The following ABCA1 variants were observed in gnomAD, a reference collection of about 807,000 sequenced individuals.
The protein encoded by ABCA1 is ATP binding cassette subfamily A member 1, also known as phospholipid-transporting ATPase ABCA1.
In ABCA1, 133 loss-of-function variants were observed where a neutral mutation model predicts 262.5. The ratio of observed to expected loss-of-function variants is 0.51; its 90% CI spans 0.44 to 0.59. The LOEUF (loss-of-function observed/expected upper bound fraction) is 0.59, where lower values mean the gene tolerates loss of function less well. ABCA1 is among the 20% of genes least tolerant of loss of function. The pLI is 0.00. For synonymous variants in ABCA1, 1,022 were observed against 1,043.5 expected (o/e 0.98, Z 0.40); for missense variants, 2,452 against 2,777.5 (o/e 0.88, Z 2.63).
chr9:104,800,657 G>A (rs1033803008), intron 34 of ABCA1, 73 bp from the exon 35 acceptor site: 3 of 1,362,020 alleles, frequency 2.2e-6, no homozygotes, highest in South Asian at 2.3e-5. Context: ...TCTGGAACCT[G>A]TGGACAACAG....
At chr9:104,797,927 C>T (rs1830037610) in intron 37 of ABCA1, among the ~76,000 whole-genome samples, 1 of 152,136 alleles carries the variant, frequency 6.6e-6, no homozygotes, top group Non-Finnish European at 1.5e-5. Flanking sequence ...CTTCAGAATT[C>T]CTTCAAATCC....
In ABCA1 at chr9:104,814,998, T is replaced by C. The variant is rs545259384; in HGVS notation, c.3739-523A>G. On this transcript the variant is annotated intron_variant, in intron 25 of 49. Transcript: ENST00000374736. ...CAATAAGAGCAAAACTCCAGTCTCA[T>C]CAAAAATAAAAAAAAATTTAAAAAA... is the stretch of plus-strand genomic sequence containing the variant. Among the ~76,000 whole-genome samples the C allele has an allele frequency of 7.2e-5, 11 of 151,874 alleles. No homozygotes were observed. In the South Asian group the frequency reaches 2.3e-3, roughly 32 times the overall value.
chr9:104,854,898 C>T (rs560574514), intron 7 of ABCA1, among the ~76,000 whole-genome samples: 1 of 152,294 alleles, frequency 6.6e-6, no homozygotes, highest in South Asian at 2.1e-4. Flanking sequence ...CTAGAAAATA[C>T]CTGACACATA....
At chr9:104,884,246 T>C (rs574950769) in intron 4 of ABCA1, among the ~76,000 whole-genome samples, 181 bp downstream of exon 4, 1 of 152,314 alleles carries the variant, frequency 6.6e-6, no homozygotes, top group South Asian at 2.1e-4. Context: ...AGGTGATGGA[T>C]ACCCCAAATA....
At chr9:104,795,084 T>C (rs1829782200) in intron 39 of ABCA1, among the ~76,000 whole-genome samples, 1 of 152,210 alleles carries the variant, frequency 6.6e-6, no homozygotes, top group Non-Finnish European at 1.5e-5. Flanking sequence ...GGATGTACGT[T>C]GTACTGGAGG....
At chr9:104,860,448 C>G (rs1356317899) in intron 6 of ABCA1, among the ~76,000 whole-genome samples, 1 of 152,168 alleles carries the variant, frequency 6.6e-6, no homozygotes, top group Non-Finnish European at 1.5e-5. Context: ...GCACATTTTT[C>G]TAATTTTAAA....
chr9:104,830,856 C>A, intron 14 of ABCA1, 69 bp downstream of exon 14: 1 of 1,552,216 alleles, frequency 6.4e-7, no homozygotes, highest in Non-Finnish European at 8.9e-7. Context: ...TGCACATGCA[C>A]ACACATATAT....
At chr9:104,798,673 CACAG>C in intron 36 of ABCA1, 75 bp from the exon 37 acceptor site, 1 of 1,255,132 alleles carries the variant, frequency 8.0e-7, no homozygotes, top group Non-Finnish European at 1.1e-6. Flanking sequence ...GACATGGACA[CACAG>C]ACAAACACAC....
At chr9:104,800,662 C>T in intron 34 of ABCA1, 78 bp from the exon 35 acceptor site, 1 of 1,319,950 alleles carries the variant, frequency 7.6e-7, no homozygotes, top group African/African-American at 1.4e-5. Context: ...AACCTGTGGA[C>T]AACAGGACGG....
intron 45 of ABCA1, 66 bp downstream of exon 45, chr9:104,788,360 A>G: frequency 6.2e-7 from 1 of 1,610,456 alleles, no homozygotes; most frequent in African/African-American, 1.3e-5. Flanking sequence ...GCGTGTGGAA[A>G]AGCCATAAGG....
Position 104,825,729 on chromosome 9 carries a change from G to A in ABCA1, c.2496C>T (p.Thr832=), listed in dbSNP as rs1832758292. 1.2e-6 allele frequency: 2 copies of A among 1,614,236 alleles called. No individual in the cohort carries two copies. The highest frequency in any genetic ancestry group is 2.7e-5 in the African/African-American group (2 of 75,052). The change falls in exon 17 of 50, where the codon ACC becomes ACT. Residue 832 remains threonine, a synonymous_variant. Coordinates refer to ENST00000374736, the MANE Select transcript of ABCA1 (RefSeq NM_005502.4). ...ACCAGGTCATCACCCCATAGAGGAAGGTGTCAAACAGCATCATGGAGACCG... is the reference window on the plus strand; with the variant it reads ...ACCAGGTCATCACCCCATAGAGGAAAGTGTCAAACAGCATCATGGAGACCG... ...TTSVSMMLFD[T]FLYGVMTWYI... is the part of the protein sequence containing the mutation.
At chr9:104,856,069 T>A in intron 7 of ABCA1, 3 of 1,602,164 alleles carry the variant, frequency 1.9e-6, no homozygotes, top group Non-Finnish European at 8.5e-7. Context: ...ATGTGCAATG[T>A]CATCACATGT....
chr9:104,851,779 C>T (rs1181282153), intron 7 of ABCA1, among the ~76,000 whole-genome samples: 1 of 152,226 alleles, frequency 6.6e-6, no homozygotes, highest in Non-Finnish European at 1.5e-5. Context: ...TGGGCCAGAG[C>T]ATGGCACTGA....
At chr9:104,855,072 T>C (rs775767142) in intron 7 of ABCA1, 4 of 797,582 alleles carry the variant, frequency 5.0e-6, no homozygotes, top group Admixed American at 6.3e-5. Context: ...GAGACATAAA[T>C]AAGAATCTTT....
intron 1 of ABCA1, among the ~76,000 whole-genome samples, chr9:104,910,337 C>T (rs1362113171): frequency 6.6e-6 from 1 of 152,178 alleles, no homozygotes; most frequent in Non-Finnish European, 1.5e-5. Flanking sequence ...GCTGAGGCCT[C>T]CCCCAAAGCA....
At chr9:104,800,081 A>G in intron 35 of ABCA1, 93 bp from the exon 36 acceptor site, 2 of 1,419,896 alleles carry the variant, frequency 1.4e-6, no homozygotes, top group Non-Finnish European at 2.0e-6. Context: ...TAAACCTCAG[A>G]AAGAAATTCT....
intron 6 of ABCA1, among the ~76,000 whole-genome samples, chr9:104,860,227 A>G (rs994301555): frequency 8.6e-5 from 13 of 152,030 alleles, no homozygotes; most frequent in Admixed American, 8.5e-4. Context: ...AAATACAGAA[A>G]CTCCAAGGAC....
At chr9:104,921,186 A>C (rs1225847925) in intron 1 of ABCA1, among the ~76,000 whole-genome samples, 1 of 152,218 alleles carries the variant, frequency 6.6e-6, no homozygotes, top group African/African-American at 2.4e-5. Flanking sequence ...GAAATATCAT[A>C]AACTAAATAC....
At chr9:104,832,873 T>C (rs969698962) in intron 11 of ABCA1, 102 bp from the exon 12 acceptor site, 18 of 1,103,570 alleles carry the variant, frequency 1.6e-5, no homozygotes, top group Non-Finnish European at 2.5e-5. Flanking sequence ...CGTTGTTTTA[T>C]CCTCACAGAA....
Sources: gnomAD v4.1 joint callset for allele counts (sites outside exome capture counted in the v4.1 genomes callset) on GRCh38, gnomAD v4.1.1 for gene constraint, MANE v1.5 for transcripts, NCBI Gene and HGNC (gene_info 2026-07-23, HGNC 2026-07-21) for gene names.